Variants in RIMS1 observed in about 807,000 individuals in gnomAD.
The protein encoded by RIMS1 is regulating synaptic membrane exocytosis 1, also known as regulating synaptic membrane exocytosis protein 1.
In RIMS1, 83 loss-of-function variants were observed where a neutral mutation model predicts 214.1. That is an observed-to-expected ratio of 0.39 (90% CI 0.32 to 0.47). The LOEUF is 0.47. RIMS1 is among the 20% of genes least tolerant of loss of function. RIMS1 has a pLI of 0.99. For synonymous variants in RIMS1, 793 were observed against 786.8 expected, an observed-to-expected ratio of 1.01 and a Z score of -0.13; for missense variants, 2,050 against 2,161.8, an observed-to-expected ratio of 0.95 and a Z score of 1.03.
At chr6:72,025,479 A>G in intron 2 of RIMS1, among the ~76,000 whole-genome samples, 1 of 152,216 alleles carries the variant, frequency 6.6e-6, no homozygotes, top group East Asian at 1.9e-4. Flanking sequence ...ATATTGCTAG[A>G]TAATACTCTT....
chr6:72,169,323 A>C (rs1169746548), intron 4 of RIMS1, among the ~76,000 whole-genome samples: 1 of 152,190 alleles, frequency 6.6e-6, no homozygotes, highest in Non-Finnish European at 1.5e-5. Flanking sequence ...TCTCAAAAAT[A>C]TTTTTTCAGA....
At chr6:72,345,591 G>T (rs1216173936) in intron 29 of RIMS1, among the ~76,000 whole-genome samples, 1 of 151,794 alleles carries the variant, frequency 6.6e-6, no homozygotes, top group African/African-American at 2.4e-5. Context: ...TGTTCACACA[G>T]AGAGATACCT....
chr6:72,050,583 A>C (rs1030535450), intron 2 of RIMS1, among the ~76,000 whole-genome samples: 1 of 151,894 alleles, frequency 6.6e-6, no homozygotes, highest in African/African-American at 2.4e-5. Flanking sequence ...TTCTCTCCTC[A>C]GATACTTGAC....
At chr6:71,953,609 C>T (rs1180791171) in intron 1 of RIMS1, among the ~76,000 whole-genome samples, 1 of 152,160 alleles carries the variant, frequency 6.6e-6, no homozygotes, top group African/African-American at 2.4e-5. Context: ...TCCATTATTT[C>T]ATATCCTCCC....
chr6:72,385,606 G>A (rs914965679), intron 29 of RIMS1, among the ~76,000 whole-genome samples: 1 of 152,204 alleles, frequency 6.6e-6, no homozygotes, highest in Non-Finnish European at 1.5e-5. Context: ...CTAATGTGAT[G>A]TTAAGCAAGT....
intron 6 of RIMS1, among the ~76,000 whole-genome samples, chr6:72,204,061 G>A (rs2052496008): frequency 6.6e-6 from 1 of 152,186 alleles, no homozygotes; most frequent in Admixed American, 6.5e-5. Flanking sequence ...ATCCAGGTAT[G>A]TTTTGGAACT....
At chr6:71,978,413 T>A (rs1797691263) in intron 2 of RIMS1, among the ~76,000 whole-genome samples, 1 of 152,142 alleles carries the variant, frequency 6.6e-6, no homozygotes, top group South Asian at 2.1e-4. Context: ...TTATTTAAAA[T>A]TTTTTATTGT....
rs575235235 is a variant in RIMS1 at position 72,260,467 on chromosome 6, A to G, written c.3054-238A>G. Among the ~76,000 whole-genome samples, 5 of 152,300 alleles carry G rather than the reference A, an allele frequency of 3.3e-5. No homozygotes were observed. The South Asian group carries it at 1.0e-3, about 32-fold the overall frequency. On this transcript the variant is annotated intron_variant, in intron 18 of 33. Coordinates refer to ENST00000521978, the MANE Select transcript of RIMS1 (RefSeq NM_014989.7). The stretch of plus-strand genomic sequence containing the variant: ...TTGTTTTGTTTTAATATTCTATAAA[A>G]TCATTTTGAAATACAATGGCAAATC...
chr6:72,069,056 T>C (rs1830002627), intron 2 of RIMS1, among the ~76,000 whole-genome samples: 1 of 151,998 alleles, frequency 6.6e-6, no homozygotes, highest in South Asian at 2.1e-4. Context: ...TTGGGAGTAA[T>C]ACAATTAAAG....
rs534163100 is a variant in RIMS1 at position 71,969,262 on chromosome 6, T to C, written c.245+199T>C. The stretch of plus-strand genomic sequence containing the variant: ...GTTAAGTGATGTTTCTAATACCATA[T>C]TGAAAGGATTAAACTAGTTGAAGAA... On this transcript the variant is annotated intron_variant, in intron 2 of 33. Coordinates refer to ENST00000521978, the MANE Select transcript of RIMS1 (RefSeq NM_014989.7). Among the ~76,000 whole-genome samples, 3 of 152,322 alleles carry C rather than the reference T, an allele frequency of 2.0e-5. No individual in the cohort carries two copies. In the East Asian group the frequency reaches 5.8e-4, roughly 29 times the overall value.
chr6:72,083,287 A>G (rs1833860098), intron 2 of RIMS1, among the ~76,000 whole-genome samples: 1 of 152,216 alleles, frequency 6.6e-6, no homozygotes, highest in Non-Finnish European at 1.5e-5. Context: ...AATACTAATG[A>G]TAATACTCTT....
intron 2 of RIMS1, among the ~76,000 whole-genome samples, chr6:72,021,526 A>G (rs1465996232): frequency 6.6e-6 from 1 of 152,208 alleles, no homozygotes; most frequent in Non-Finnish European, 1.5e-5. Flanking sequence ...TAATAGCAGC[A>G]GCATGTAGTA....
chr6:72,327,142 C>T (rs1302808581), intron 28 of RIMS1, among the ~76,000 whole-genome samples: 3 of 149,122 alleles, frequency 2.0e-5, no homozygotes, highest in Admixed American at 1.3e-4. Context: ...TTTAAGCCAC[C>T]AAAAAAAAAT....
At chr6:72,305,707 AT>A (rs752369189) in intron 26 of RIMS1, among the ~76,000 whole-genome samples, 6 of 152,102 alleles carry the variant, frequency 3.9e-5, no homozygotes, top group Non-Finnish European at 7.4e-5. Context: ...CAAGTAATGA[AT>A]TTCTGAACCA....
At chr6:71,995,634 T>G (rs148866999) in intron 2 of RIMS1, among the ~76,000 whole-genome samples, 1 of 152,092 alleles carries the variant, frequency 6.6e-6, no homozygotes, top group African/African-American at 2.4e-5. Context: ...ATAAATATAC[T>G]TTCTGGAAGT....
At chr6:72,298,575 G>A (rs979933040) in intron 26 of RIMS1, among the ~76,000 whole-genome samples, 4 of 151,966 alleles carry the variant, frequency 2.6e-5, no homozygotes, top group African/African-American at 9.7e-5. Flanking sequence ...ACAACTGCAA[G>A]GAAGGCTTTT....
At chr6:72,021,652 G>A (rs1459232573) in intron 2 of RIMS1, among the ~76,000 whole-genome samples, 1 of 152,138 alleles carries the variant, frequency 6.6e-6, no homozygotes, top group African/African-American at 2.4e-5. Context: ...CAAATAACAA[G>A]ATCAAAATTT....
At chr6:72,278,152 A>ATCTATCTATCTATCT (rs1554419029) in intron 23 of RIMS1, among the ~76,000 whole-genome samples, 3 of 128,350 alleles carry the variant, frequency 2.3e-5, no homozygotes, top group East Asian at 2.2e-4. Context: ...AATGGTTTTT[A>ATCTATCTATCTATCT]ATCTATCTAT....
At chr6:71,979,493 A>G (rs1797974524) in intron 2 of RIMS1, among the ~76,000 whole-genome samples, 1 of 152,082 alleles carries the variant, frequency 6.6e-6, no homozygotes, top group South Asian at 2.1e-4. Context: ...TCCATAAAGT[A>G]GTATATAAAT....
Sources: gnomAD v4.1 joint callset for allele counts (sites outside exome capture counted in the v4.1 genomes callset) on GRCh38, gnomAD v4.1.1 for gene constraint, MANE v1.5 for transcripts, NCBI Gene and HGNC (gene_info 2026-07-23, HGNC 2026-07-21) for gene names.